The following PTPRD variants were observed in gnomAD, a reference collection of about 807,000 sequenced individuals.
The protein encoded by PTPRD is protein tyrosine phosphatase receptor type D.
PTPRD carries 34 observed loss-of-function variants against 214.5 expected under a neutral mutation model. The observed-to-expected ratio is 0.16, with a 90% CI of 0.12 to 0.21. The LOEUF (loss-of-function observed/expected upper bound fraction) is 0.21, where lower values mean the gene tolerates loss of function less well. Ranked by LOEUF, PTPRD falls within the 10% of genes least tolerant of loss-of-function variation. The pLI, the probability that PTPRD is intolerant of heterozygous loss-of-function variation, is 1.00. For synonymous variants in PTPRD, 1,128 were observed against 845.7 expected (o/e 1.33, Z -5.79); for missense variants, 2,545 against 2,398.7 (o/e 1.06, Z -1.27).
intron 11 of PTPRD, among the ~76,000 whole-genome samples, chr9:8,833,709 T>TACACACACACAC (rs1330937417): frequency 7.4e-6 from 1 of 135,348 alleles, no homozygotes; most frequent in African/African-American, 3.0e-5. Flanking sequence ...TCTATATATA[T>TACACACACACAC]ATATATACAC....
chr9:10,233,613 C>T (rs549041941), intron 3 of PTPRD, among the ~76,000 whole-genome samples: 34 of 152,016 alleles, frequency 2.2e-4, no homozygotes, highest in African/African-American at 7.7e-4. Flanking sequence ...TTATATTTTA[C>T]TTGCCAATTG....
At chr9:8,339,538 C>A (rs1406279395) in intron 42 of PTPRD, among the ~76,000 whole-genome samples, 3 of 152,216 alleles carry the variant, frequency 2.0e-5, no homozygotes, top group African/African-American at 4.8e-5. Context: ...GGGGCCCAGT[C>A]CATTTTAATG....
At chr9:9,503,065 A>T (rs568786028) in intron 8 of PTPRD, among the ~76,000 whole-genome samples, 2 of 151,920 alleles carry the variant, frequency 1.3e-5, no homozygotes, top group Middle Eastern at 3.4e-3. Context: ...TTTCACTGAA[A>T]TTTTTTGCCT....
chr9:9,408,221 A>C (rs2074208834), intron 8 of PTPRD, among the ~76,000 whole-genome samples: 1 of 151,856 alleles, frequency 6.6e-6, no homozygotes, highest in African/African-American at 2.4e-5. Flanking sequence ...CTGACAGCAA[A>C]GGAAATTATT....
At chr9:9,325,233 T>A (rs1383409152) in intron 9 of PTPRD, among the ~76,000 whole-genome samples, 1 of 152,212 alleles carries the variant, frequency 6.6e-6, no homozygotes, top group Non-Finnish European at 1.5e-5. Context: ...GTGAAGAAAG[T>A]CCTTGGTAGC....
chr9:9,665,619 G>T (rs778555989), intron 7 of PTPRD, among the ~76,000 whole-genome samples: 1 of 151,622 alleles, frequency 6.6e-6, no homozygotes, highest in Non-Finnish European at 1.5e-5. Flanking sequence ...TAGGTCTGTG[G>T]AATTTCGAGG....
intron 2 of PTPRD, among the ~76,000 whole-genome samples, chr9:10,534,938 T>G (rs182420670): frequency 1.3e-5 from 2 of 152,138 alleles, no homozygotes; most frequent in African/African-American, 2.4e-5. Context: ...ATAAACAAAA[T>G]AGCAACATTG....
At chr9:10,366,983 G>T (rs1303256595) in intron 2 of PTPRD, among the ~76,000 whole-genome samples, 4 of 151,724 alleles carry the variant, frequency 2.6e-5, no homozygotes, top group Non-Finnish European at 5.9e-5. Flanking sequence ...ATACATGGGT[G>T]GGTTTGCTTT....
Position 9,298,624 on chromosome 9 carries a change from G to T in PTPRD, c.-203+98825C>A, listed in dbSNP as rs529829273. Among the ~76,000 whole-genome samples, 5 of 151,888 alleles carry T rather than the reference G, an allele frequency of 3.3e-5. No homozygotes were observed. In the East Asian group the frequency reaches 9.7e-4, roughly 30 times the overall value. ...AAAGATTATGATAACCAAATCAGTAGAGGAGCAATAAAGAAGCTGAAGCAG... is the reference window on the plus strand; with the variant it reads ...AAAGATTATGATAACCAAATCAGTATAGGAGCAATAAAGAAGCTGAAGCAG... On this transcript the variant is annotated intron_variant, in intron 9 of 45. Coordinates refer to ENST00000381196, the MANE Select transcript of PTPRD (RefSeq NM_002839.4).
chr9:9,315,833 C>CTTTTT (rs566821610), intron 9 of PTPRD, among the ~76,000 whole-genome samples: 31 of 93,314 alleles, frequency 3.3e-4, no homozygotes, highest in South Asian at 4.2e-4. Context: ...TAGCAGACAA[C>CTTTTT]TTTTTTTTTT....
At chr9:8,831,507 A>G (rs985274909) in intron 11 of PTPRD, among the ~76,000 whole-genome samples, 3 of 152,210 alleles carry the variant, frequency 2.0e-5, no homozygotes, top group African/African-American at 7.2e-5. Flanking sequence ...ACATACAATT[A>G]AAAAGCAAAT....
intron 5 of PTPRD, among the ~76,000 whole-genome samples, chr9:9,929,302 C>T (rs2085505091): frequency 6.6e-6 from 1 of 152,192 alleles, no homozygotes; most frequent in Non-Finnish European, 1.5e-5. Flanking sequence ...CTTGAGTCTA[C>T]TCAGTCAACC....
At chr9:8,684,004 C>T (rs1258316215) in intron 12 of PTPRD, among the ~76,000 whole-genome samples, 1 of 152,252 alleles carries the variant, frequency 6.6e-6, no homozygotes, top group East Asian at 1.9e-4. Flanking sequence ...AACCAGTGGG[C>T]TTGTGAGTAG....
intron 3 of PTPRD, among the ~76,000 whole-genome samples, chr9:10,171,742 C>T (rs989176976): frequency 5.9e-5 from 9 of 152,068 alleles, no homozygotes; most frequent in Non-Finnish European, 1.0e-4. Context: ...CCAGGATGGT[C>T]TCGATCTCCT....
intron 2 of PTPRD, among the ~76,000 whole-genome samples, chr9:10,478,710 C>T (rs1176660823): frequency 1.3e-5 from 2 of 151,418 alleles, no homozygotes; most frequent in East Asian, 1.9e-4. Context: ...TACAGAGTTA[C>T]TATATTCTGT....
intron 39 of PTPRD, among the ~76,000 whole-genome samples, chr9:8,363,277 C>T (rs1291216112): frequency 2.6e-5 from 4 of 152,184 alleles, no homozygotes; most frequent in African/African-American, 9.7e-5. Flanking sequence ...CCAGCATCTT[C>T]AAATAATCTG....
intron 5 of PTPRD, among the ~76,000 whole-genome samples, chr9:9,767,235 A>G (rs937018291): frequency 1.3e-5 from 2 of 152,046 alleles, no homozygotes; most frequent in Non-Finnish European, 2.9e-5. Flanking sequence ...CAGAAAGATG[A>G]AGCAGGTTAA....
chr9:9,784,561 G>A (rs2098901629), intron 5 of PTPRD, among the ~76,000 whole-genome samples: 1 of 151,858 alleles, frequency 6.6e-6, no homozygotes, highest in African/African-American at 2.4e-5. Flanking sequence ...GAGCTCTAAA[G>A]TCAAATCCAT....
At chr9:9,269,658 G>A (rs372061606) in intron 9 of PTPRD, among the ~76,000 whole-genome samples, 1 of 151,382 alleles carries the variant, frequency 6.6e-6, no homozygotes. Flanking sequence ...GTGTGTGTAT[G>A]TAAACATTAT....
Sources: gnomAD v4.1 joint callset for allele counts (sites outside exome capture counted in the v4.1 genomes callset) on GRCh38, gnomAD v4.1.1 for gene constraint, MANE v1.5 for transcripts, NCBI Gene and HGNC (gene_info 2026-07-23, HGNC 2026-07-21) for gene names.